The following MAP3K4 variants were observed in gnomAD, a reference collection of about 807,000 sequenced individuals.
MAP3K4 encodes mitogen-activated protein kinase kinase kinase 4.
MAP3K4 carries 67 observed loss-of-function variants against 185.6 expected under a neutral mutation model. The observed-to-expected ratio is 0.36, with a 90% CI of 0.30 to 0.44. The LOEUF (loss-of-function observed/expected upper bound fraction) is 0.44, where lower values mean the gene tolerates loss of function less well. Ranked by LOEUF, MAP3K4 falls within the 20% of genes least tolerant of loss-of-function variation. MAP3K4 has a pLI of 1.00. For missense variants in MAP3K4, 1,551 were observed against 1,995.1 expected (o/e 0.78, Z 4.24); for synonymous variants, 702 against 710.4 (o/e 0.99, Z 0.19).
Position 161,097,115 on chromosome 6 carries a change from C to T in MAP3K4, c.3463C>T (p.Pro1155Ser), listed in dbSNP as rs1473272264. Residue 1155 changes from proline (P) to serine (S), a missense_variant, in exon 16 of 27, where the codon CCT becomes TCT. This residue lies in a region of MAP3K4 where 272 missense variants were observed against 301.2 expected (regional missense o/e 0.90). Transcript: ENST00000392142. This position sits in a 1 kb window ranked among gnomAD's most constrained non-coding sequence, Gnocchi z 4.9. ...HRNSPRPMKVPRCHSDPPNPH... is the reference protein window; with the variant it reads ...HRNSPRPMKVSRCHSDPPNPH... ...GAACAGCCCCCGTCCTATGAAGGTA[C>T]CTCGATGCCATAGTGACCCTCCTAA... 1 of 1,614,100 alleles carries T rather than the reference C, an allele frequency of 6.2e-7. No individual in the cohort carries two copies. Among genetic ancestry groups the T allele is most frequent in the Admixed American group, 1.7e-5 (1 of 60,026 alleles).
rs972588442 is a variant in MAP3K4 at position 161,115,058 on chromosome 6, G to A, written c.4627-65G>A. The A allele has an allele frequency of 2.0e-5, 28 of 1,404,556 alleles. No homozygotes were observed. The highest frequency in any genetic ancestry group is 3.9e-5 in the Admixed American group (2 of 51,846). The allele number at this position is 1,404,556 out of a possible 1,614,324, so 87.0% of individuals were successfully genotyped here. On this transcript the variant is annotated intron_variant, in intron 25 of 26. Transcript: ENST00000392142. The surrounding 1 kb of genome is among the most constrained non-coding windows in gnomAD (Gnocchi z 6.0). ...ATGATGAGATGCTTAAAAACAGACTGAACATTTGCGTTGTTTGTGGCTGTG... is the reference window on the plus strand; with the variant it reads ...ATGATGAGATGCTTAAAAACAGACTAAACATTTGCGTTGTTTGTGGCTGTG...
At chr6:161,105,900 A>G (rs866392543) in intron 19 of MAP3K4, among the ~76,000 whole-genome samples, 17 of 150,846 alleles carry the variant, frequency 1.1e-4, no homozygotes, top group African/African-American at 2.9e-4. Context: ...CAGTGGTGCA[A>G]TCTTGACTCA....
Position 161,008,784 on chromosome 6 carries a change from T to C in MAP3K4, c.152+16701T>C, listed in dbSNP as rs746451219. On this transcript the variant is annotated intron_variant, in intron 1 of 26. Transcript: ENST00000392142. The surrounding 1 kb of genome is among the most constrained non-coding windows in gnomAD (Gnocchi z 4.1). ...CTTTCCTCATTATCCTGACATTTAC[T>C]GATATTTTACATCTACTACTTTCAC... is the stretch of plus-strand genomic sequence containing the variant. Among the ~76,000 whole-genome samples, 2 of 152,182 alleles carry C rather than the reference T, an allele frequency of 1.3e-5. No individual in the cohort carries two copies. The highest frequency in any genetic ancestry group is 2.4e-5 in the African/African-American group (1 of 41,448).
intron 2 of MAP3K4, among the ~76,000 whole-genome samples, chr6:161,047,135 TA>T (rs1469802783): frequency 6.8e-6 from 1 of 146,634 alleles, no homozygotes; most frequent in Non-Finnish European, 1.5e-5. Flanking sequence ...TATATATATA[TA>T]TATATATATG....
chr6:161,012,673 T>A (rs753396177), intron 1 of MAP3K4, among the ~76,000 whole-genome samples: 7 of 152,170 alleles, frequency 4.6e-5, no homozygotes, highest in Non-Finnish European at 7.3e-5. Flanking sequence ...AAATCCATAT[T>A]TGTTACTCTA....
chr6:161,042,037 T>C, intron 2 of MAP3K4, among the ~76,000 whole-genome samples: 1 of 149,620 alleles, frequency 6.7e-6, no homozygotes, highest in East Asian at 2.0e-4. Flanking sequence ...ACCCTCCTGG[T>C]GCGTGTCACC....
chr6:161,080,366 A>G lies in MAP3K4; in HGVS notation c.2098-515A>G, dbSNP rs1785391669. Among the ~76,000 whole-genome samples, 1 of 152,176 alleles carries G rather than the reference A, an allele frequency of 6.6e-6. No homozygotes were observed. Among genetic ancestry groups the G allele is most frequent in the Non-Finnish European group, 1.5e-5 (1 of 68,030 alleles). On this transcript the variant is annotated intron_variant, in intron 5 of 26. Coordinates refer to ENST00000392142, the MANE Select transcript of MAP3K4 (RefSeq NM_005922.4). The surrounding 1 kb of genome is among the most constrained non-coding windows in gnomAD (Gnocchi z 4.8). Reference sequence around the variant, plus strand: ...AAATCCCACTTCAGAACAACTGGATATTTTGGTTTTAGATCATCATTTATA... The same window carrying G: ...AAATCCCACTTCAGAACAACTGGATGTTTTGGTTTTAGATCATCATTTATA...
At chr6:161,047,953 A>G (rs76140654) in intron 2 of MAP3K4, among the ~76,000 whole-genome samples, 21,592 of 152,194 alleles carry the variant, frequency 0.14, 1,812 homozygotes, top group East Asian at 0.26. Flanking sequence ...AATTATACCA[A>G]ATTAGTCTAT....
In MAP3K4 at chr6:161,073,845, T is replaced by C. The variant is rs1385173052; in HGVS notation, c.2097+233T>C. ...TCCATCTGGTATTAGATTACATTTGTTTCTCTGAAATCCACATTTAAAAAA... is the reference window on the plus strand; with the variant it reads ...TCCATCTGGTATTAGATTACATTTGCTTCTCTGAAATCCACATTTAAAAAA... On this transcript the variant is annotated intron_variant, in intron 5 of 26. Coordinates refer to ENST00000392142, the MANE Select transcript of MAP3K4 (RefSeq NM_005922.4). This position sits in a 1 kb window ranked among gnomAD's most constrained non-coding sequence, Gnocchi z 4.2. Among the ~76,000 whole-genome samples the C allele has an allele frequency of 6.6e-6, 1 of 152,220 alleles. No individual in the cohort carries two copies. The highest frequency in any genetic ancestry group is 1.5e-5 in the Non-Finnish European group (1 of 68,038).
rs775781632 is a variant in MAP3K4, at chr6:161,101,865, G to A, written c.3675-27G>A. 3.9e-6 allele frequency: 6 copies of A among 1,541,310 alleles called. No individual in the cohort carries two copies. In the African/African-American group the frequency reaches 6.8e-5, roughly 18 times the overall value. On this transcript the variant is annotated intron_variant, in intron 17 of 26. Transcript: ENST00000392142. The surrounding 1 kb of genome is among the most constrained non-coding windows in gnomAD (Gnocchi z 5.1). ...CATTTTAAGTTCTATTGAATTGATA[G>A]CTCAATTATTAAAAATATTAAAACA...
intron 3 of MAP3K4, among the ~76,000 whole-genome samples, chr6:161,052,647 A>T (rs552581145): frequency 1.3e-5 from 2 of 152,340 alleles, no homozygotes; most frequent in African/African-American, 4.8e-5. Context: ...ATAAGGCTCT[A>T]CAATTCTAAT....
At position 161,108,970 on chromosome 6, in the gene MAP3K4, A is replaced by G. The variant is rs1583246250; in HGVS notation, c.4236+111A>G. ...TTTCAGAGCACAGTAACTTTGCCTA[A>G]TTCTCAGGAAATCTCCATGAGTTAC... On this transcript the variant is annotated intron_variant, in intron 22 of 26. Transcript: ENST00000392142. This position sits in a 1 kb window ranked among gnomAD's most constrained non-coding sequence, Gnocchi z 5.7. The G allele has an allele frequency of 1.2e-6, 2 of 1,609,968 alleles. No individual in the cohort carries two copies. Among genetic ancestry groups the G allele is most frequent in the Middle Eastern group, 3.3e-4 (2 of 6,060 alleles).
intron 3 of MAP3K4, among the ~76,000 whole-genome samples, chr6:161,052,655 A>T (rs2114771138): frequency 6.6e-6 from 1 of 152,314 alleles, no homozygotes; most frequent in East Asian, 1.9e-4. Flanking sequence ...CTACAATTCT[A>T]ATTAACTTAG....
chr6:161,079,922 A>G (rs951003735), intron 5 of MAP3K4, among the ~76,000 whole-genome samples: 4 of 152,220 alleles, frequency 2.6e-5, no homozygotes, highest in African/African-American at 9.7e-5. Flanking sequence ...ATCTTTCCCA[A>G]CAATGAAGTC....
chr6:161,102,781 TGA>T lies in MAP3K4; in HGVS notation c.3856+7_3856+8del, dbSNP rs1381534029. 7.3e-7 allele frequency: 1 copy of T among 1,371,354 alleles called. No individual in the cohort carries two copies. The highest frequency in any genetic ancestry group is 9.9e-7 in the Non-Finnish European group (1 of 1,011,944). 84.9% of individuals were successfully genotyped at this position (1,371,354 alleles called of 1,614,324 possible). Reference sequence around the variant, plus strand: ...GGACACTAATCAGCCAGAGTAAAGGTGAGAGAAAGAGTGTTGAAGTTAAAAAA... The same window carrying T: ...GGACACTAATCAGCCAGAGTAAAGGTGAGAAAGAGTGTTGAAGTTAAAAAA... On this transcript the variant is annotated splice_donor_region_variant and intron_variant, in intron 19 of 26. Transcript: ENST00000392142.
chr6:161,044,926 G>A (rs1040384421), intron 2 of MAP3K4, among the ~76,000 whole-genome samples: 29 of 152,112 alleles, frequency 1.9e-4, no homozygotes, highest in African/African-American at 6.8e-4. Context: ...TGAGGAATCT[G>A]CCCCCATGAC....
chr6:161,059,911 G>T (rs963252529), intron 3 of MAP3K4, among the ~76,000 whole-genome samples: 1 of 151,580 alleles, frequency 6.6e-6, no homozygotes, highest in African/African-American at 2.4e-5. Flanking sequence ...ATCCTGTAGG[G>T]TCTGAATTTT....
Position 161,064,465 on chromosome 6 carries a change from T to A in MAP3K4, c.1708-6143T>A, listed in dbSNP as rs1380858815. On this transcript the variant is annotated intron_variant, in intron 3 of 26. Transcript: ENST00000392142. The surrounding 1 kb of genome is among the most constrained non-coding windows in gnomAD (Gnocchi z 4.3). Reference sequence around the variant, plus strand: ...TCTTAAACTGCTGCCTTTTTTTTTTTACATTAAATTCTAGATAATTGGGTA... The same window carrying A: ...TCTTAAACTGCTGCCTTTTTTTTTTAACATTAAATTCTAGATAATTGGGTA... 6.6e-6 allele frequency among the ~76,000 whole-genome samples: 1 copy of A among 152,148 alleles called. No individual in the cohort carries two copies. The highest frequency in any genetic ancestry group is 1.5e-5 in the Non-Finnish European group (1 of 68,026).
At position 161,097,542 on chromosome 6, in the gene MAP3K4, A is replaced by G. The variant is rs894530788; in HGVS notation, c.3524+366A>G. On this transcript the variant is annotated intron_variant, in intron 16 of 26. Coordinates refer to ENST00000392142, the MANE Select transcript of MAP3K4 (RefSeq NM_005922.4). The surrounding 1 kb of genome is among the most constrained non-coding windows in gnomAD (Gnocchi z 4.9). Reference sequence around the variant, plus strand: ...ATTTGAAAACATACTAAATATCACTAAAAGTGGAGAAAAACTGGAATGAGC... The same window carrying G: ...ATTTGAAAACATACTAAATATCACTGAAAGTGGAGAAAAACTGGAATGAGC... Among the ~76,000 whole-genome samples the G allele has an allele frequency of 2.6e-5, 4 of 152,190 alleles. No individual in the cohort carries two copies. Among genetic ancestry groups the G allele is most frequent in the Non-Finnish European group, 5.9e-5 (4 of 68,030 alleles).
Sources: allele counts gnomAD v4.1 joint callset (sites outside exome capture counted in the v4.1 genomes callset), GRCh38; gene constraint gnomAD v4.1.1; regional missense constraint gnomAD v4.1.1; non-coding constraint Gnocchi (gnomAD v3.1); transcripts MANE v1.5; gene names NCBI Gene and HGNC (gene_info 2026-07-23, HGNC 2026-07-21).